SYT16: variants seen among roughly 807,000 people sequenced by gnomAD.
SYT16 encodes synaptotagmin 16.
In SYT16, 42 loss-of-function variants were observed where a neutral mutation model predicts 61.4. The ratio of observed to expected loss-of-function variants is 0.68; its 90% confidence interval spans 0.53 to 0.89. The LOEUF (loss-of-function observed/expected upper bound fraction) is 0.89, where lower values mean the gene tolerates loss of function less well. Among genes scored for constraint, SYT16 ranks in the 40% least tolerant of loss-of-function variants. The pLI, the probability that SYT16 is intolerant of heterozygous loss-of-function variation, is 0.00. For synonymous variants in SYT16, 314 were observed against 302.3 expected (o/e 1.04, Z -0.40); for missense variants, 804 against 807.3 (o/e 1.00, Z 0.05).
chr14:62,091,095 T>G (rs937534274), intron 7 of SYT16, among the ~76,000 whole-genome samples: 4 of 152,178 alleles, frequency 2.6e-5, no homozygotes, highest in African/African-American at 9.7e-5. Flanking sequence ...TCACATGGTA[T>G]GTCAATTATA....
At chr14:61,842,072 T>C (rs1343815982) in intron 1 of SYT16, among the ~76,000 whole-genome samples, 1 of 152,208 alleles carries the variant, frequency 6.6e-6, no homozygotes, top group African/African-American at 2.4e-5. Flanking sequence ...TAGGTTTATA[T>C]ATTTGTGGGG....
chr14:62,002,592 C>T (rs1012417356), intron 3 of SYT16, among the ~76,000 whole-genome samples: 6 of 152,180 alleles, frequency 3.9e-5, no homozygotes, highest in East Asian at 1.9e-4. Context: ...GAGGTTAGGA[C>T]GTTCTCAGTA....
intron 1 of SYT16, among the ~76,000 whole-genome samples, chr14:61,966,130 A>G (rs1235980811): frequency 6.6e-6 from 1 of 152,206 alleles, no homozygotes; most frequent in Non-Finnish European, 1.5e-5. Flanking sequence ...CCATTACTAC[A>G]AGAATTGTTA....
intron 1 of SYT16, among the ~76,000 whole-genome samples, chr14:61,843,069 C>A (rs555391888): frequency 6.7e-6 from 1 of 149,224 alleles, no homozygotes; most frequent in Admixed American, 6.7e-5. Flanking sequence ...CTTTCATGTA[C>A]TGATATCTTT....
At chr14:61,906,438 A>G (rs952597359) in intron 1 of SYT16, among the ~76,000 whole-genome samples, 3 of 152,122 alleles carry the variant, frequency 2.0e-5, no homozygotes, top group Non-Finnish European at 4.4e-5. Flanking sequence ...AGGGCTCTGT[A>G]CTGTTTGTAG....
At chr14:61,901,762 A>AATAATAATTATT (rs1010775490) in intron 1 of SYT16, among the ~76,000 whole-genome samples, 86 of 138,822 alleles carry the variant, frequency 6.2e-4, no homozygotes, top group African/African-American at 2.2e-3. Flanking sequence ...TAATAATAAT[A>AATAATAATTATT]ATTATTATTA....
chr14:61,962,322 C>A (rs2051148487), intron 1 of SYT16, among the ~76,000 whole-genome samples: 1 of 152,000 alleles, frequency 6.6e-6, no homozygotes, highest in African/African-American at 2.4e-5. Context: ...GTTTTTCTCC[C>A]AGTACTTATA....
At chr14:61,813,864 A>G (rs1257721890) in intron 1 of SYT16, among the ~76,000 whole-genome samples, 3 of 151,630 alleles carry the variant, frequency 2.0e-5, no homozygotes, top group African/African-American at 7.3e-5. Context: ...TGAGATGTCA[A>G]AATTTCTGCA....
rs1166191970 is a variant in SYT16, at chr14:62,102,178, A to T, written c.*1471A>T. ...GTGATGGCTGTATACAGTTAAAAAC[A>T]CATAACTCCTCCTCAGCTCCACGTT... On this transcript the variant is annotated 3_prime_UTR_variant, in exon 8 of 8. Coordinates refer to ENST00000683842, the MANE Select transcript of SYT16 (RefSeq NM_001367656.1). 1 of 152,220 alleles carries T rather than the reference A, an allele frequency of 6.6e-6. No individual in the cohort carries two copies. The highest frequency in any genetic ancestry group is 1.5e-5 in the Non-Finnish European group (1 of 68,040). The allele number at this position is 152,220 out of a possible 1,614,324, so 9.4% of individuals were successfully genotyped here.
chr14:61,929,205 C>T (rs1042330940), intron 1 of SYT16, among the ~76,000 whole-genome samples: 5 of 152,188 alleles, frequency 3.3e-5, no homozygotes, highest in African/African-American at 1.2e-4. Context: ...GCTGGTGGAG[C>T]AGCTTCTGTG....
chr14:61,935,330 CCTTTT>C (rs2049935930), intron 1 of SYT16, among the ~76,000 whole-genome samples: 1 of 152,148 alleles, frequency 6.6e-6, no homozygotes, highest in Admixed American at 6.6e-5. Flanking sequence ...TCATTCTGGC[CCTTTT>C]CATGTCTTAT....
intron 1 of SYT16, among the ~76,000 whole-genome samples, chr14:61,890,079 T>C (rs1363150951): frequency 6.6e-6 from 1 of 152,190 alleles, no homozygotes; most frequent in African/African-American, 2.4e-5. Context: ...AGAGGCAGGA[T>C]ATTGCTCTAC....
intron 3 of SYT16, among the ~76,000 whole-genome samples, chr14:62,000,099 A>ATTTTT: frequency 0.018 from 344 of 18,666 alleles, 31 homozygotes; most frequent in East Asian, 0.04. Flanking sequence ...TTGTCTCTCG[A>ATTTTT]TTTTTTTTTT....
At chr14:62,036,260 C>G (rs1321290500) in intron 3 of SYT16, among the ~76,000 whole-genome samples, 4 of 152,024 alleles carry the variant, frequency 2.6e-5, no homozygotes, top group Non-Finnish European at 5.9e-5. Context: ...CAGAGACATC[C>G]TGGGCATAGA....
intron 2 of SYT16, among the ~76,000 whole-genome samples, chr14:61,977,508 A>C (rs2051865305): frequency 6.6e-6 from 1 of 152,280 alleles, no homozygotes; most frequent in South Asian, 2.1e-4. Flanking sequence ...AAGGGGGAAT[A>C]GCTCCTTATG....
intron 1 of SYT16, among the ~76,000 whole-genome samples, chr14:61,841,231 C>G (rs2046292478): frequency 6.6e-6 from 1 of 152,112 alleles, no homozygotes; most frequent in South Asian, 2.1e-4. Flanking sequence ...CCATATTATT[C>G]AAGTTCAAAA....
intron 1 of SYT16, among the ~76,000 whole-genome samples, chr14:61,965,133 G>T (rs1299456628): frequency 6.6e-6 from 1 of 152,096 alleles, no homozygotes; most frequent in African/African-American, 2.4e-5. Context: ...ATTCTCTTGG[G>T]TGCATACCTA....
intron 1 of SYT16, among the ~76,000 whole-genome samples, chr14:61,943,500 C>T (rs1259077278): frequency 5.3e-5 from 8 of 152,158 alleles, no homozygotes; most frequent in Non-Finnish European, 1.2e-4. Flanking sequence ...ATTTGCAAAT[C>T]GAATCCAGCA....
chr14:62,098,446 A>G (rs940162416), intron 7 of SYT16, among the ~76,000 whole-genome samples: 3 of 152,258 alleles, frequency 2.0e-5, no homozygotes, highest in Non-Finnish European at 4.4e-5. Flanking sequence ...TGATGGTTCC[A>G]TTCAGGAATT....
Sources: gnomAD v4.1 joint callset for allele counts (sites outside exome capture counted in the v4.1 genomes callset) on GRCh38, gnomAD v4.1.1 for gene constraint, MANE v1.5 for transcripts, NCBI Gene and HGNC (gene_info 2026-07-23, HGNC 2026-07-21) for gene names.